Variants in TASOR observed in about 807,000 individuals in gnomAD.
TASOR encodes transcription activation suppressor.
A neutral mutation model predicts 178.6 loss-of-function variants in TASOR; 53 were observed. The ratio of observed to expected loss-of-function variants is 0.30; its 90% CI spans 0.24 to 0.37. The LOEUF is 0.37. Among genes scored for constraint, TASOR ranks in the 10% least tolerant of loss-of-function variants. The pLI is 1.00. For synonymous variants in TASOR, 713 were observed against 696.2 expected, an observed-to-expected ratio of 1.02 and a Z score of -0.38; for missense variants, 1,815 against 1,971.4, an observed-to-expected ratio of 0.92 and a Z score of 1.50.
In TASOR at chr3:56,646,871, T is replaced by C. The variant is rs369300472; in HGVS notation, c.1866A>G (p.Leu622=). ...YQLPICKLKE[L]FEENRKLQQF... is the part of the protein sequence containing the mutation. Reference sequence around the variant, plus strand: ...GCTGAAGTTTTCTATTTTCTTCAAATAGTTCTTTTAATTTACAAATAGGTA... The same window carrying C: ...GCTGAAGTTTTCTATTTTCTTCAAACAGTTCTTTTAATTTACAAATAGGTA... Residue 622 remains leucine, a synonymous_variant, in exon 14 of 24, where the codon CTA becomes CTG. Transcript: ENST00000683822. 6.2e-6 allele frequency: 10 copies of C among 1,605,520 alleles called. No individual in the cohort carries two copies. The highest frequency in any genetic ancestry group is 5.4e-5 in the African/African-American group (4 of 74,210).
intron 21 of TASOR, 45 bp downstream of exon 21, chr3:56,626,992 A>G (rs938590600): frequency 6.1e-6 from 7 of 1,153,596 alleles, no homozygotes; most frequent in East Asian, 2.4e-5. Flanking sequence ...TATGAGTACA[A>G]TGTTAAAATC....
chr3:56,631,862 C>T (rs997183895), intron 18 of TASOR, among the ~76,000 whole-genome samples: 3 of 152,120 alleles, frequency 2.0e-5, no homozygotes, highest in African/African-American at 4.8e-5. Context: ...GGATTACAGG[C>T]GTGAGCCACC....
chr3:56,650,872 T>C (rs1469858087), intron 11 of TASOR, among the ~76,000 whole-genome samples: 1 of 152,232 alleles, frequency 6.6e-6, no homozygotes, highest in Non-Finnish European at 1.5e-5. Flanking sequence ...TTTCAAATAC[T>C]TTTATCCAAA....
chr3:56,633,397 G>T lies in TASOR; in HGVS notation c.3394C>A (p.His1132Asn). ...TCACTACACAGTGGCTCAAGGAGAT[G>T]TTTATTGTTGAAGTCACTTGAGGAA... ...PVSSSDFNNK[H>N]LLEPLCSDPL... Residue 1132 changes from histidine to asparagine, a missense_variant, in exon 18 of 24, where the codon CAT (histidine) becomes AAT (asparagine). Around this residue, in one of 5 missense-constraint regions of TASOR, gnomAD observed 655 missense variants for 671.1 expected, o/e 0.98. Coordinates refer to ENST00000683822, the MANE Select transcript of TASOR (RefSeq NM_001365635.2). 6.2e-7 allele frequency: 1 copy of T among 1,614,160 alleles called. No homozygotes were observed. The highest frequency in any genetic ancestry group is 1.1e-5 in the South Asian group (1 of 91,078).
At chr3:56,672,780 T>C (rs947583763) in intron 2 of TASOR, among the ~76,000 whole-genome samples, 2 of 152,220 alleles carry the variant, frequency 1.3e-5, no homozygotes, top group Admixed American at 6.5e-5. Flanking sequence ...TTAATTAACA[T>C]GTACAATACT....
At chr3:56,628,052 G>A (rs934772245) in intron 19 of TASOR, among the ~76,000 whole-genome samples, 1 of 152,272 alleles carries the variant, frequency 6.6e-6, no homozygotes. Flanking sequence ...GAAGGCAAAA[G>A]CCTATGTGCT....
intron 1 of TASOR, among the ~76,000 whole-genome samples, chr3:56,674,841 T>G (rs77972384): frequency 1.3e-5 from 2 of 152,082 alleles, no homozygotes; most frequent in African/African-American, 4.8e-5. Context: ...TGTTTTGAGA[T>G]GGAGTCTCGC....
Position 56,663,579 on chromosome 3 carries a change from ATT to A in TASOR, c.1023-9_1023-8del. 30 of 1,272,630 alleles carry A rather than the reference ATT, an allele frequency of 2.4e-5. No homozygotes were observed. The highest frequency in any genetic ancestry group is 3.1e-5 in the Non-Finnish European group (30 of 967,750). 78.8% of individuals were successfully genotyped at this position (1,272,630 alleles called of 1,614,324 possible). On this transcript the variant is annotated splice_polypyrimidine_tract_variant and splice_region_variant and intron_variant, in intron 7 of 23. Coordinates refer to ENST00000683822, the MANE Select transcript of TASOR (RefSeq NM_001365635.2). ...TGTATTAAAGCTGTTAGATCTACAA[ATT>A]TTTTAAAAGAAAAGAAAAACATTAC... is the stretch of plus-strand genomic sequence containing the variant.
Position 56,666,151 on chromosome 3 carries a change from TTA to T in TASOR, c.1022+107_1022+108del. 10 of 833,600 alleles carry T rather than the reference TTA, an allele frequency of 1.2e-5. No homozygotes were observed. The African/African-American group carries it at 3.5e-4, about 30-fold the overall frequency. The allele number at this position is 833,600 out of a possible 1,614,324, so 51.6% of individuals were successfully genotyped here. A position where few individuals can be genotyped will look rare whatever the true frequency, so the allele number is the denominator to read the frequency against. On this transcript the variant is annotated intron_variant, in intron 7 of 23. Transcript: ENST00000683822. ...AGTCTCCAACCAACTTCAAGGGAAGTTAAAAAAAAAAAAATGGGAAGGAAACA... is the reference window on the plus strand; with the variant it reads ...AGTCTCCAACCAACTTCAAGGGAAGTAAAAAAAAAAAATGGGAAGGAAACA...
Position 56,621,074 on chromosome 3 carries a change from G to C in TASOR, c.*1963C>G, listed in dbSNP as rs1328563413. 1.3e-5 allele frequency: 2 copies of C among 152,178 alleles called. No individual in the cohort carries two copies. Among genetic ancestry groups the C allele is most frequent in the African/African-American group, 4.8e-5 (2 of 41,288 alleles). 9.4% of individuals were successfully genotyped at this position (152,178 alleles called of 1,614,324 possible). A position where few individuals can be genotyped will look rare whatever the true frequency, so the allele number is the denominator to read the frequency against. ...AGCCATTCGGGAGGTTGAGGCAGGAGAATGGTGTGAACCTGGGAGGCAGAG... is the reference window on the plus strand; with the variant it reads ...AGCCATTCGGGAGGTTGAGGCAGGACAATGGTGTGAACCTGGGAGGCAGAG... On this transcript the variant is annotated 3_prime_UTR_variant, in exon 24 of 24. Transcript: ENST00000683822.
At chr3:56,667,363 G>C (rs1346582468) in intron 6 of TASOR, among the ~76,000 whole-genome samples, 1 of 152,034 alleles carries the variant, frequency 6.6e-6, no homozygotes, top group Non-Finnish European at 1.5e-5. Flanking sequence ...ATGTTAAAAA[G>C]AACAGGTGCC....
chr3:56,641,260 G>GA (rs1164012514), intron 15 of TASOR, 89 bp downstream of exon 15: 5 of 1,344,990 alleles, frequency 3.7e-6, no homozygotes, highest in South Asian at 1.6e-5. Flanking sequence ...CTTTTTCAAA[G>GA]AAAAAAATCA....
At chr3:56,630,570 G>GC (rs2076887975) in intron 18 of TASOR, among the ~76,000 whole-genome samples, 1 of 152,180 alleles carries the variant, frequency 6.6e-6, no homozygotes, top group Non-Finnish European at 1.5e-5. Context: ...ACGGCTGGGT[G>GC]CGATGGCTCA....
chr3:56,668,771 C>T (rs1397149322), intron 5 of TASOR, among the ~76,000 whole-genome samples: 1 of 151,960 alleles, frequency 6.6e-6, no homozygotes. Context: ...GTCAGGAGTT[C>T]GAGACCAGCC....
chr3:56,634,984 A>G lies in TASOR; in HGVS notation c.2825-1018T>C, dbSNP rs565936997. ...ACACAATTTTACCCGCTAAAAAATT[A>G]CTGTTTTTCTTTAAGCCTTGGCCAA... On this transcript the variant is annotated intron_variant, in intron 17 of 23. Transcript: ENST00000683822. Among the ~76,000 whole-genome samples, 4 of 152,356 alleles carry G rather than the reference A, an allele frequency of 2.6e-5. No individual in the cohort carries two copies. In the East Asian group the frequency reaches 5.8e-4, roughly 22 times the overall value.
Position 56,682,866 on chromosome 3 carries a change from G to A in TASOR, c.141C>T (p.Asn47=), listed in dbSNP as rs1164195692. The part of the protein sequence containing the change: ...SQQNGGGGGL[N]IAEPSGGAGR... ...CAGCGCCGCCGCTGGGCTCAGCGAT[G>A]TTGAGGCCGCCGCCGCCGCCATTTT... The change falls in exon 1 of 24, where the codon AAC becomes AAT. Residue 47 remains asparagine (N), a synonymous_variant. Transcript: ENST00000683822. 2 of 1,549,610 alleles carry A rather than the reference G, an allele frequency of 1.3e-6. No individual in the cohort carries two copies. Among genetic ancestry groups the A allele is most frequent in the African/African-American group, 2.7e-5 (2 of 72,774 alleles).
chr3:56,678,177 A>ATTTTT (rs533306611), intron 1 of TASOR, among the ~76,000 whole-genome samples: 1,955 of 106,830 alleles, frequency 0.018, 95 homozygotes, highest in East Asian at 0.071. Flanking sequence ...CACACTTATG[A>ATTTTT]TTTTTTTTTT....
In TASOR at chr3:56,647,099, G is replaced by A. The variant is rs752938647; in HGVS notation, c.1638C>T (p.Ser546=). Residue 546 remains serine (S), a synonymous_variant, in exon 14 of 24, where the codon AGC becomes AGT. Transcript: ENST00000683822. ...CAACAACAGAATGAAAATTTATGGC[G>A]CTTATATTTTTGAATTCCTTTCGAC... The part of the protein sequence containing the change: ...IQCRKEFKNI[S]AINFHSVVEK... 8.7e-6 allele frequency: 14 copies of A among 1,604,778 alleles called. No individual in the cohort carries two copies. Among genetic ancestry groups the A allele is most frequent in the Middle Eastern group, 1.7e-4 (1 of 6,032 alleles).
chr3:56,668,122 T>C (rs2030254677), intron 6 of TASOR, among the ~76,000 whole-genome samples: 1 of 152,120 alleles, frequency 6.6e-6, no homozygotes, highest in Admixed American at 6.6e-5. Context: ...GCAATGATCA[T>C]ATAAAAACCA....
Sources: gnomAD v4.1 joint callset for allele counts (sites outside exome capture counted in the v4.1 genomes callset) on GRCh38, gnomAD v4.1.1 for gene constraint, gnomAD v4.1.1 regional missense constraint, MANE v1.5 for transcripts, NCBI Gene and HGNC (gene_info 2026-07-23, HGNC 2026-07-21) for gene names.